MBD5: variants seen among roughly 807,000 people sequenced by gnomAD.
The protein encoded by MBD5 is methyl-CpG-binding domain protein 5.
Under a neutral mutation model 117.3 loss-of-function variants are expected in MBD5, and 13 were observed. The observed-to-expected ratio is 0.11, with a 90% CI of 0.07 to 0.18. The LOEUF (loss-of-function observed/expected upper bound fraction) is 0.18. Among genes scored for constraint, MBD5 ranks in the 10% least tolerant of loss-of-function variants. The pLI, the probability that MBD5 is intolerant of heterozygous loss-of-function variation, is 1.00. For synonymous variants in MBD5, 727 were observed against 766.4 expected (o/e 0.95, Z 0.85); for missense variants, 1,879 against 2,093.8 (o/e 0.90, Z 2.00).
intron 11 of MBD5, among the ~76,000 whole-genome samples, chr2:148,491,745 T>C (rs1024419680): frequency 1.3e-5 from 2 of 152,012 alleles, no homozygotes; most frequent in Admixed American, 6.5e-5. Flanking sequence ...TCACAAAATA[T>C]TTTATTCTCT....
At chr2:148,284,958 T>C (rs1301583536) in intron 3 of MBD5, among the ~76,000 whole-genome samples, 1 of 152,236 alleles carries the variant, frequency 6.6e-6, no homozygotes, top group African/African-American at 2.4e-5. Context: ...CTCACAGCCT[T>C]GGCAAATGAT....
At chr2:148,232,187 C>T (rs1261954423) in intron 2 of MBD5, among the ~76,000 whole-genome samples, 3 of 152,260 alleles carry the variant, frequency 2.0e-5, no homozygotes, top group East Asian at 3.9e-4. Flanking sequence ...CTACAGAATA[C>T]GAAACAAGAG....
chr2:148,151,140 T>G (rs1322487401), intron 1 of MBD5, among the ~76,000 whole-genome samples: 1 of 150,836 alleles, frequency 6.6e-6, no homozygotes, highest in African/African-American at 2.4e-5. Flanking sequence ...TATTGAGAGT[T>G]TTTAGCATGA....
chr2:148,232,711 T>G (rs572055771), intron 2 of MBD5, among the ~76,000 whole-genome samples: 2 of 151,982 alleles, frequency 1.3e-5, no homozygotes, highest in Non-Finnish European at 2.9e-5. Flanking sequence ...TAGATACTTT[T>G]TAATAAAATA....
chr2:148,235,608 A>G (rs1037354804), intron 3 of MBD5, among the ~76,000 whole-genome samples: 5 of 152,220 alleles, frequency 3.3e-5, no homozygotes, highest in Non-Finnish European at 5.9e-5. Flanking sequence ...AGAATGCTAC[A>G]GGCATACCTC....
intron 3 of MBD5, among the ~76,000 whole-genome samples, chr2:148,338,466 A>T (rs553819211): frequency 6.6e-6 from 1 of 152,270 alleles, no homozygotes; most frequent in Admixed American, 6.5e-5. Context: ...AGGTATTTGT[A>T]CATAATAATC....
At chr2:148,078,701 A>G (rs945412693) in intron 1 of MBD5, among the ~76,000 whole-genome samples, 7 of 152,204 alleles carry the variant, frequency 4.6e-5, no homozygotes, top group African/African-American at 1.7e-4. Context: ...AACATCTAAC[A>G]TATATTCTTT....
chr2:148,219,700 G>T (rs1342471448), intron 2 of MBD5, among the ~76,000 whole-genome samples: 1 of 152,084 alleles, frequency 6.6e-6, no homozygotes, highest in African/African-American at 2.4e-5. Context: ...TTTGGCAAAG[G>T]TGTCACTAAG....
chr2:148,140,066 T>G (rs1200872717), intron 1 of MBD5, among the ~76,000 whole-genome samples: 11 of 152,218 alleles, frequency 7.2e-5, no homozygotes, highest in Admixed American at 7.2e-4. Context: ...TTTTATTGAA[T>G]AGTGGAGAAA....
At chr2:148,347,362 G>A (rs2105204208) in intron 4 of MBD5, 1 of 152,114 alleles carries the variant, frequency 6.6e-6, no homozygotes, top group Non-Finnish European at 1.5e-5. Context: ...GCAACAGAGT[G>A]AGATCTTGTC....
intron 3 of MBD5, among the ~76,000 whole-genome samples, chr2:148,319,500 T>C (rs1470995427): frequency 6.6e-6 from 1 of 152,148 alleles, no homozygotes; most frequent in Admixed American, 6.6e-5. Context: ...GGTTTTTGAG[T>C]GGTTTTTTGT....
At chr2:148,372,149 T>G (rs1703871585) in intron 4 of MBD5, among the ~76,000 whole-genome samples, 1 of 152,104 alleles carries the variant, frequency 6.6e-6, no homozygotes, top group South Asian at 2.1e-4. Context: ...GTGATTTTGA[T>G]TACCCAAGTT....
At chr2:148,176,473 C>T (rs886253034) in intron 1 of MBD5, among the ~76,000 whole-genome samples, 1 of 151,518 alleles carries the variant, frequency 6.6e-6, no homozygotes, top group African/African-American at 2.4e-5. Context: ...GGCATAATCT[C>T]AGCTCACCGC....
intron 3 of MBD5, among the ~76,000 whole-genome samples, chr2:148,333,115 T>G (rs1702701332): frequency 6.6e-6 from 1 of 152,190 alleles, no homozygotes; most frequent in Non-Finnish European, 1.5e-5. Flanking sequence ...ATGGATGTAG[T>G]TCTTCTCTTA....
At chr2:148,357,952 C>T (rs1703428993) in intron 4 of MBD5, among the ~76,000 whole-genome samples, 1 of 152,258 alleles carries the variant, frequency 6.6e-6, no homozygotes, top group South Asian at 2.1e-4. Flanking sequence ...CCTGAACCTC[C>T]CTGTGTATCT....
rs776298050 is a variant in MBD5 at position 148,349,602 on chromosome 2, GT to G, written c.-557+7268del. 3.3e-5 allele frequency among the ~76,000 whole-genome samples: 5 copies of G among 152,004 alleles called. No homozygotes were observed. The East Asian group carries it at 7.7e-4, about 24-fold the overall frequency. ...ATTAATATGACAGCAGGAAACTGAG[GT>G]TCTGGTAAATAAAAATACATAATTA... On this transcript the variant is annotated intron_variant, in intron 4 of 13. Coordinates refer to ENST00000642680, the MANE Select transcript of MBD5 (RefSeq NM_001378120.1).
intron 3 of MBD5, among the ~76,000 whole-genome samples, chr2:148,302,787 A>C (rs1701804131): frequency 6.8e-6 from 1 of 148,086 alleles, no homozygotes. Context: ...ACACCACCCT[A>C]CCTGGCTAAT....
At chr2:148,071,906 T>A (rs547926877) in intron 1 of MBD5, 2 of 152,298 alleles carry the variant, frequency 1.3e-5, no homozygotes, top group East Asian at 3.9e-4. Flanking sequence ...GTTTAGTTTT[T>A]AAAAAATGTT....
chr2:148,225,676 G>C (rs1442258572), intron 2 of MBD5, among the ~76,000 whole-genome samples: 1 of 152,056 alleles, frequency 6.6e-6, no homozygotes, highest in East Asian at 1.9e-4. Flanking sequence ...TTGTTTGTCT[G>C]GGAAAGCCTT....
Sources: gnomAD v4.1 joint callset for allele counts (sites outside exome capture counted in the v4.1 genomes callset) on GRCh38, gnomAD v4.1.1 for gene constraint, MANE v1.5 for transcripts, NCBI Gene and HGNC (gene_info 2026-07-23, HGNC 2026-07-21) for gene names.